The following RAPGEF2 variants were observed in gnomAD, a reference collection of about 807,000 sequenced individuals.
RAPGEF2 encodes PDZ domain containing guanine nucleotide exchange factor (GEF) 1.
Under a neutral mutation model 186.7 loss-of-function variants are expected in RAPGEF2, and 54 were observed. The ratio of observed to expected loss-of-function variants is 0.29; its 90% CI spans 0.23 to 0.36. RAPGEF2 has a LOEUF of 0.36. Among genes scored for constraint, RAPGEF2 ranks in the 10% least tolerant of loss-of-function variants. The pLI is 1.00. For synonymous variants in RAPGEF2, 712 were observed against 705.9 expected (o/e 1.01, Z -0.14); for missense variants, 1,532 against 2,045.0 (o/e 0.75, Z 4.84).
chr4:159,326,897 A>C (rs559222986), intron 11 of RAPGEF2: 1 of 152,096 alleles, frequency 6.6e-6, no homozygotes, highest in Non-Finnish European at 1.5e-5. Flanking sequence ...CCTGCCCTCC[A>C]CCCTTCAAGT....
At chr4:159,289,558 A>G (rs1309448768) in intron 7 of RAPGEF2, among the ~76,000 whole-genome samples, 3 of 152,184 alleles carry the variant, frequency 2.0e-5, no homozygotes, top group Non-Finnish European at 2.9e-5. Context: ...AATATCTTCT[A>G]CTTTAAACTA....
intron 5 of RAPGEF2, 144 bp from the exon 6 acceptor site, chr4:159,241,057 C>A: frequency 1.7e-6 from 1 of 596,454 alleles, no homozygotes; most frequent in Non-Finnish European, 2.6e-6. Flanking sequence ...AGTTCAGAGA[C>A]ACTTGAAGTT....
intron 1 of RAPGEF2, among the ~76,000 whole-genome samples, chr4:159,174,344 C>G (rs1746226650): frequency 6.6e-6 from 1 of 152,030 alleles, no homozygotes; most frequent in African/African-American, 2.4e-5. Context: ...TTTGAGAATG[C>G]AGATTATAGA....
At chr4:159,245,651 C>T (rs1267970097) in intron 7 of RAPGEF2, among the ~76,000 whole-genome samples, 1 of 151,890 alleles carries the variant, frequency 6.6e-6, no homozygotes, top group Non-Finnish European at 1.5e-5. Context: ...ATCTGAATTC[C>T]ATATTAAAAA....
intron 4 of RAPGEF2, among the ~76,000 whole-genome samples, chr4:159,213,244 T>C (rs991547740): frequency 1.3e-5 from 2 of 152,230 alleles, no homozygotes; most frequent in African/African-American, 2.4e-5. Flanking sequence ...AATGGTGTTA[T>C]GTTGAAGATT....
chr4:159,136,301 G>A (rs1741716606), intron 1 of RAPGEF2, among the ~76,000 whole-genome samples: 3 of 152,168 alleles, frequency 2.0e-5, no homozygotes, highest in Admixed American at 2.0e-4. Flanking sequence ...TTAGATTTGG[G>A]TGTGAAAGAA....
chr4:159,319,421 C>T (rs868789967), intron 9 of RAPGEF2, among the ~76,000 whole-genome samples: 21 of 152,026 alleles, frequency 1.4e-4, no homozygotes, highest in Non-Finnish European at 2.8e-4. Flanking sequence ...ACTATCCCCC[C>T]GCACCCACCA....
chr4:159,239,962 G>A (rs926919001), intron 5 of RAPGEF2, among the ~76,000 whole-genome samples: 3 of 152,102 alleles, frequency 2.0e-5, no homozygotes, highest in Non-Finnish European at 4.4e-5. Context: ...CAAAGCTAGC[G>A]AACTTTTTGT....
chr4:159,204,160 T>C (rs1749731913), intron 3 of RAPGEF2, among the ~76,000 whole-genome samples: 1 of 152,236 alleles, frequency 6.6e-6, no homozygotes, highest in Non-Finnish European at 1.5e-5. Context: ...AGGAAGTTCA[T>C]TGTAGTTGGA....
chr4:159,322,619 G>C, intron 10 of RAPGEF2, 136 bp downstream of exon 10: 1 of 671,790 alleles, frequency 1.5e-6, no homozygotes, highest in Non-Finnish European at 2.6e-6. Flanking sequence ...AAGAATTATG[G>C]TACACCTGTT....
At chr4:159,121,269 G>A (rs1436353796) in intron 1 of RAPGEF2, among the ~76,000 whole-genome samples, 1 of 152,268 alleles carries the variant, frequency 6.6e-6, no homozygotes, top group South Asian at 2.1e-4. Context: ...AAAATGTACA[G>A]TTGAACCTTG....
chr4:159,119,898 G>C (rs181728502), intron 1 of RAPGEF2, among the ~76,000 whole-genome samples: 57 of 152,258 alleles, frequency 3.7e-4, no homozygotes, highest in Admixed American at 1.4e-3. Context: ...TTCCAGAAAT[G>C]TATTTCATTT....
intron 7 of RAPGEF2, among the ~76,000 whole-genome samples, chr4:159,278,790 T>C (rs901018364): frequency 6.6e-6 from 1 of 152,194 alleles, no homozygotes; most frequent in African/African-American, 2.4e-5. Flanking sequence ...ATGGAGGTAA[T>C]ACGGTTGTGT....
intron 4 of RAPGEF2, among the ~76,000 whole-genome samples, chr4:159,236,350 TC>T (rs1299054946): frequency 6.6e-6 from 1 of 152,244 alleles, no homozygotes; most frequent in Non-Finnish European, 1.5e-5. Flanking sequence ...AAGTGTGACT[TC>T]CTAGCCATGA....
chr4:159,298,691 G>A (rs1290793035), intron 7 of RAPGEF2, among the ~76,000 whole-genome samples: 2 of 152,210 alleles, frequency 1.3e-5, no homozygotes, highest in African/African-American at 2.4e-5. Context: ...TCCAGAGGGA[G>A]TGAAAGATCG....
intron 1 of RAPGEF2, among the ~76,000 whole-genome samples, chr4:159,144,802 T>C (rs1168735976): frequency 6.6e-6 from 1 of 152,158 alleles, no homozygotes; most frequent in Admixed American, 6.6e-5. Flanking sequence ...CTCTAACCTT[T>C]TAAGTACTTT....
intron 11 of RAPGEF2, among the ~76,000 whole-genome samples, chr4:159,325,074 GCA>G (rs1765742482): frequency 6.6e-6 from 1 of 151,872 alleles, no homozygotes; most frequent in Non-Finnish European, 1.5e-5. Context: ...TTCATTTTAA[GCA>G]TTTTACTTAC....
At chr4:159,267,881 G>A (rs979634223) in intron 7 of RAPGEF2, 10 of 1,123,068 alleles carry the variant, frequency 8.9e-6, no homozygotes, top group African/African-American at 1.6e-5. Flanking sequence ...TGAGAGCTGT[G>A]TGAGGTTTTC....
In RAPGEF2 at chr4:159,347,126, A is replaced by G. The variant is rs1435142915; in HGVS notation, c.3712+128A>G. 3.4e-6 allele frequency: 3 copies of G among 891,872 alleles called. No individual in the cohort carries two copies. In the African/African-American group the frequency reaches 5.1e-5, roughly 15 times the overall value. The allele number at this position is 891,872 out of a possible 1,614,324, so 55.2% of individuals were successfully genotyped here. On this transcript the variant is annotated intron_variant, in intron 25 of 29. Coordinates refer to ENST00000691494, the MANE Select transcript of RAPGEF2 (RefSeq NM_001394067.2). ...AGTTTCTCTGTAATTATTAGCTCCT[A>G]ATAAAACATGAACACTCAGCAAGTT...
Sources: allele counts gnomAD v4.1 joint callset (sites outside exome capture counted in the v4.1 genomes callset), GRCh38; gene constraint gnomAD v4.1.1; transcripts MANE v1.5; gene names NCBI Gene and HGNC (gene_info 2026-07-23, HGNC 2026-07-21).